SH2D3C: variants seen among roughly 807,000 people sequenced by gnomAD.
SH2D3C encodes the protein SH2 domain containing 3C.
Under a neutral mutation model 75.2 loss-of-function variants are expected in SH2D3C, and 25 were observed. The ratio of observed to expected loss-of-function variants is 0.33; its 90% confidence interval spans 0.24 to 0.46. The LOEUF (loss-of-function observed/expected upper bound fraction) is 0.46, where lower values mean the gene tolerates loss of function less well. Ranked by LOEUF, SH2D3C falls within the 20% of genes least tolerant of loss-of-function variation. The pLI, the probability that SH2D3C is intolerant of heterozygous loss-of-function variation, is 1.00. For synonymous variants in SH2D3C, 450 were observed against 473.7 expected, an observed-to-expected ratio of 0.95 and a Z score of 0.65; for missense variants, 933 against 1,165.3, an observed-to-expected ratio of 0.80 and a Z score of 2.90.
At chr9:127,745,455 C>CT (rs1190107937) in intron 6 of SH2D3C, among the ~76,000 whole-genome samples, 2,662 of 109,560 alleles carry the variant, frequency 0.024, 503 homozygotes, top group African/African-American at 0.086. Context: ...TAATGATTTC[C>CT]TTTTTTTTTT....
intron 3 of SH2D3C, among the ~76,000 whole-genome samples, chr9:127,752,392 C>T (rs1845226749): frequency 6.6e-6 from 1 of 152,124 alleles, no homozygotes; most frequent in Non-Finnish European, 1.5e-5. Flanking sequence ...GATGGTTCTT[C>T]CTCTCCTTCC....
intron 3 of SH2D3C, among the ~76,000 whole-genome samples, chr9:127,756,481 G>C (rs1245360710): frequency 6.6e-6 from 1 of 152,118 alleles, no homozygotes. Context: ...TTTGTTTTCT[G>C]TAAATACATC....
rs2131762168 is a variant in SH2D3C at position 127,751,855 on chromosome 9, CA to C, written c.556-556del. 6.6e-6 allele frequency among the ~76,000 whole-genome samples: 1 copy of C among 152,336 alleles called. No homozygotes were observed. Among genetic ancestry groups the C allele is most frequent in the South Asian group, 2.1e-4 (1 of 4,834 alleles). ...GCAGGAAAAGCTATGAACAAAACCA[CA>C]GAACTGGTTGGACAAGGATACGTTC... On this transcript the variant is annotated intron_variant, in intron 3 of 11. Coordinates refer to ENST00000314830, the MANE Select transcript of SH2D3C (RefSeq NM_170600.3). This position sits in a 1 kb window ranked among gnomAD's most constrained non-coding sequence, Gnocchi z 4.1.
intron 1 of SH2D3C, 138 bp downstream of exon 1, chr9:127,778,453 C>T: frequency 1.3e-6 from 1 of 769,134 alleles, no homozygotes; most frequent in Admixed American, 2.1e-5. Flanking sequence ...CGCTGGTGTC[C>T]AAAAGCAAAA....
intron 2 of SH2D3C, among the ~76,000 whole-genome samples, chr9:127,768,877 C>T (rs1400799646): frequency 6.6e-6 from 1 of 150,868 alleles, no homozygotes; most frequent in Non-Finnish European, 1.5e-5. Flanking sequence ...GTTCCCTTGG[C>T]CTGGTATGCT....
chr9:127,747,214 C>G lies in SH2D3C; in HGVS notation c.1197G>C (p.Gln399His), dbSNP rs915593071. The change falls in exon 6 of 12, where the codon CAG becomes CAC. Residue 399 changes from glutamine to histidine, a missense_variant. Coordinates refer to ENST00000314830, the MANE Select transcript of SH2D3C (RefSeq NM_170600.3). ...ACATGGGTGAGTGCAGGTCTGGGAT[C>G]TGGTCCATGCTGAGGGCACAGCTGC... Reference protein sequence around the residue: ...SIRSCALSMDQIPDLHSPMSP... With the variant: ...SIRSCALSMDHIPDLHSPMSP... The G allele has an allele frequency of 1.9e-6, 3 of 1,613,860 alleles. No homozygotes were observed. The highest frequency in any genetic ancestry group is 2.7e-5 in the African/African-American group (2 of 74,928).
At chr9:127,771,062 C>T (rs539242677) in intron 2 of SH2D3C, 7 of 683,058 alleles carry the variant, frequency 1.0e-5, no homozygotes, top group Middle Eastern at 2.6e-4. Context: ...AGAAAACTGG[C>T]TTAGAAAAGT....
At chr9:127,740,163 G>T in intron 10 of SH2D3C, 95 bp downstream of exon 10, 1 of 1,054,144 alleles carries the variant, frequency 9.5e-7, no homozygotes, top group Non-Finnish European at 1.4e-6. Context: ...AGCTTGCACA[G>T]AGCTCAGCCA....
chr9:127,745,348 G>C (rs1844997017), intron 6 of SH2D3C, among the ~76,000 whole-genome samples: 1 of 152,072 alleles, frequency 6.6e-6, no homozygotes, highest in African/African-American at 2.4e-5. Flanking sequence ...GCAGCCTTGG[G>C]GACCCACTGC....
At chr9:127,742,709 A>C in intron 8 of SH2D3C, 140 bp downstream of exon 8, 1 of 598,712 alleles carries the variant, frequency 1.7e-6, no homozygotes, top group Non-Finnish European at 2.9e-6. Context: ...AGGGCTTGCG[A>C]TTGGTCAATG....
At chr9:127,766,213 A>T (rs1845631258) in intron 2 of SH2D3C, among the ~76,000 whole-genome samples, 1 of 152,120 alleles carries the variant, frequency 6.6e-6, no homozygotes, top group African/African-American at 2.4e-5. Context: ...TCCTCTGCAT[A>T]GGCCTGTCTG....
chr9:127,759,463 G>T (rs919365960), intron 3 of SH2D3C, among the ~76,000 whole-genome samples: 5 of 152,138 alleles, frequency 3.3e-5, no homozygotes, highest in Non-Finnish European at 7.4e-5. Flanking sequence ...TGATCTGCCC[G>T]CCTTGGCCTC....
chr9:127,775,911 C>T (rs1313487786), intron 1 of SH2D3C, among the ~76,000 whole-genome samples: 1 of 152,002 alleles, frequency 6.6e-6, no homozygotes, highest in Non-Finnish European at 1.5e-5. Context: ...TCACTGCAAC[C>T]TCCACCTTCT....
In SH2D3C at chr9:127,774,182, G is replaced by A. The variant is rs777246941; in HGVS notation, c.323C>T (p.Pro108Leu). 1 of 1,613,940 alleles carries A rather than the reference G, an allele frequency of 6.2e-7. No homozygotes were observed. The highest frequency in any genetic ancestry group is 8.5e-7 in the Non-Finnish European group (1 of 1,179,964). ...QEAGPKPNLV[P>L]GGVPDPPGLE... ...GCCTGGGGGGTCGGGTACACCTCCG[G>A]GTACCAAGTTGGGCTTGGGACCCGC... Residue 108 changes from proline to leucine, a missense_variant, in exon 2 of 12, where the codon CCC becomes CTC. By Grantham distance (98) the Pro-to-Leu change is moderately conservative (BLOSUM62 -3). Coordinates refer to ENST00000314830, the MANE Select transcript of SH2D3C (RefSeq NM_170600.3). This position sits in a 1 kb window ranked among gnomAD's most constrained non-coding sequence, Gnocchi z 4.3.
chr9:127,775,745 G>A (rs1455777075), intron 1 of SH2D3C, among the ~76,000 whole-genome samples: 1 of 152,112 alleles, frequency 6.6e-6, no homozygotes, highest in Admixed American at 6.6e-5. Context: ...AGGAGTTCAA[G>A]GTTGCCGTGC....
Position 127,751,108 on chromosome 9 carries a change from TG to T in SH2D3C, c.684+63del. ...CCTCCCAGGTGGCTGCAGCCAGGGC[TG>T]GGGCTGGCCAAGGCAGTGGGTGGGA... is the stretch of plus-strand genomic sequence containing the variant. On this transcript the variant is annotated intron_variant, in intron 4 of 11. Coordinates refer to ENST00000314830, the MANE Select transcript of SH2D3C (RefSeq NM_170600.3). This position sits in a 1 kb window ranked among gnomAD's most constrained non-coding sequence, Gnocchi z 4.1. 6.4e-7 allele frequency: 1 copy of T among 1,565,492 alleles called. No homozygotes were observed. Among genetic ancestry groups the T allele is most frequent in the Non-Finnish European group, 8.8e-7 (1 of 1,142,692 alleles).
chr9:127,762,337 A>G (rs1259190928), intron 2 of SH2D3C: 1 of 1,299,972 alleles, frequency 7.7e-7, no homozygotes, highest in Non-Finnish European at 1.0e-6. Flanking sequence ...TGCTACCCCT[A>G]CCCTCAGGCA....
Position 127,774,617 on chromosome 9 carries a change from A to G in SH2D3C, c.38-150T>C. On this transcript the variant is annotated intron_variant, in intron 1 of 11. Coordinates refer to ENST00000314830, the MANE Select transcript of SH2D3C (RefSeq NM_170600.3). The surrounding 1 kb of genome is among the most constrained non-coding windows in gnomAD (Gnocchi z 4.3). ...CTTCTAAAATTGTTAACACGCCCCT[A>G]GAAATGGTATAAGATGGGAGCTTTG... 1.7e-6 allele frequency: 1 copy of G among 604,590 alleles called. No individual in the cohort carries two copies. The highest frequency in any genetic ancestry group is 2.9e-6 in the Non-Finnish European group (1 of 339,614). 37.5% of individuals were successfully genotyped at this position (604,590 alleles called of 1,614,324 possible).
At chr9:127,761,589 AC>A in intron 3 of SH2D3C, 21 bp downstream of exon 3, 1 of 1,593,386 alleles carries the variant, frequency 6.3e-7, no homozygotes. Context: ...CCTCTGACCA[AC>A]CCCTGGCCAG....
Sources: allele counts gnomAD v4.1 joint callset (sites outside exome capture counted in the v4.1 genomes callset), GRCh38; gene constraint gnomAD v4.1.1; non-coding constraint Gnocchi (gnomAD v3.1); transcripts MANE v1.5; gene names NCBI Gene and HGNC (gene_info 2026-07-23, HGNC 2026-07-21).